HDAC4: variants seen among roughly 807,000 people sequenced by gnomAD.
The protein encoded by HDAC4 is histone deacetylase 4, also known as histone deacetylase A.
In HDAC4, 16 loss-of-function variants were observed where a neutral mutation model predicts 135.1. The observed-to-expected ratio is 0.12, with a 90% confidence interval of 0.08 to 0.18. The LOEUF (loss-of-function observed/expected upper bound fraction) is 0.18. HDAC4 is among the 10% of genes least tolerant of loss of function. HDAC4 has a pLI of 1.00. For missense variants in HDAC4, 1,143 were observed against 1,511.8 expected (o/e 0.76, Z 4.05); for synonymous variants, 685 against 653.4 (o/e 1.05, Z -0.74).
intron 3 of HDAC4, among the ~76,000 whole-genome samples, chr2:239,209,786 T>C (rs546843572): frequency 1.3e-5 from 2 of 152,196 alleles, no homozygotes; most frequent in South Asian, 4.2e-4. Flanking sequence ...TGTAAGTAAC[T>C]CCTATAAAGC....
chr2:239,088,363 C>G (rs920240006), intron 18 of HDAC4, among the ~76,000 whole-genome samples: 1 of 152,206 alleles, frequency 6.6e-6, no homozygotes, highest in Non-Finnish European at 1.5e-5. Context: ...GTGAGCCGGA[C>G]GCCGCAGGGA....
intron 1 of HDAC4, among the ~76,000 whole-genome samples, chr2:239,355,417 AT>A (rs1693426534): frequency 6.6e-6 from 1 of 152,138 alleles, no homozygotes; most frequent in Non-Finnish European, 1.5e-5. Context: ...TATCCATTTT[AT>A]TCCTTATGGC....
chr2:239,072,195 G>C (rs936453205), intron 22 of HDAC4, among the ~76,000 whole-genome samples: 1 of 152,180 alleles, frequency 6.6e-6, no homozygotes, highest in Non-Finnish European at 1.5e-5. Flanking sequence ...TCAAACTGAC[G>C]TTTTATCCTT....
chr2:239,399,131 G>A (rs941005238), intron 1 of HDAC4, among the ~76,000 whole-genome samples: 3 of 152,138 alleles, frequency 2.0e-5, no homozygotes, highest in East Asian at 1.9e-4. Flanking sequence ...GGGAAAGCCC[G>A]ATCAGTCTTA....
rs536188736 is a variant in HDAC4, at chr2:239,096,110, C to T, written c.2234-1054G>A. On this transcript the variant is annotated intron_variant, in intron 16 of 26. Coordinates refer to ENST00000543185, the MANE Select transcript of HDAC4 (RefSeq NM_001378414.1). ...GGTCCACGCTCCTAGGGCTGGCTGC[C>T]GGGGGCCATAGGAAGGAGTTGGCCA... Among the ~76,000 whole-genome samples, 13 of 152,256 alleles carry T rather than the reference C, an allele frequency of 8.5e-5. No individual in the cohort carries two copies. In the South Asian group the frequency reaches 2.7e-3, roughly 32 times the overall value.
chr2:239,221,284 C>T (rs530071308), intron 3 of HDAC4, among the ~76,000 whole-genome samples: 143 of 152,170 alleles, frequency 9.4e-4, no homozygotes, highest in African/African-American at 2.9e-3. Context: ...TGCACAGGAG[C>T]GGGGGACACC....
At chr2:239,216,322 A>T (rs1028424878) in intron 3 of HDAC4, among the ~76,000 whole-genome samples, 6 of 152,088 alleles carry the variant, frequency 3.9e-5, no homozygotes, top group South Asian at 2.1e-4. Flanking sequence ...AGAGAAAAAA[A>T]AAAATAAAAG....
At chr2:239,087,868 G>A (rs1358409104) in intron 18 of HDAC4, among the ~76,000 whole-genome samples, 2 of 52 alleles carry the variant, frequency 0.038, no homozygotes, top group Admixed American at 0.5. Context: ...AGGATAACAG[G>A]TGGGTGCCTG....
At chr2:239,273,953 G>A (rs1024975397) in intron 2 of HDAC4, among the ~76,000 whole-genome samples, 9 of 152,208 alleles carry the variant, frequency 5.9e-5, no homozygotes, top group African/African-American at 9.7e-5. Flanking sequence ...ATGGATTCAC[G>A]TGTTGATGTG....
intron 8 of HDAC4, among the ~76,000 whole-genome samples, chr2:239,142,435 C>T (rs1260076422): frequency 6.6e-6 from 1 of 152,214 alleles, no homozygotes; most frequent in Non-Finnish European, 1.5e-5. Flanking sequence ...CCAGTGCCGG[C>T]CAGGAGATGC....
chr2:239,250,412 A>G (rs1157622422), intron 2 of HDAC4, among the ~76,000 whole-genome samples: 1 of 152,228 alleles, frequency 6.6e-6, no homozygotes, highest in Non-Finnish European at 1.5e-5. Flanking sequence ...GAAGGCTGTG[A>G]AAATGTGACA....
intron 13 of HDAC4, among the ~76,000 whole-genome samples, chr2:239,113,182 G>A (rs1404998332): frequency 1.3e-5 from 2 of 152,238 alleles, no homozygotes; most frequent in South Asian, 2.1e-4. Context: ...CCCAGGAGGC[G>A]GAGGCTGTAG....
At chr2:239,315,740 T>C (rs1445030298) in intron 2 of HDAC4, among the ~76,000 whole-genome samples, 1 of 151,986 alleles carries the variant, frequency 6.6e-6, no homozygotes, top group African/African-American at 2.4e-5. Context: ...CCTAACACCA[T>C]ACACAAGGGT....
At chr2:239,221,527 T>A (rs2046953584) in intron 3 of HDAC4, among the ~76,000 whole-genome samples, 1 of 152,084 alleles carries the variant, frequency 6.6e-6, no homozygotes, top group South Asian at 2.1e-4. Context: ...CCCATGCCCA[T>A]CTCTGTGTCC....
intron 17 of HDAC4, chr2:239,091,609 G>A (rs2036510085): frequency 6.6e-6 from 1 of 152,152 alleles, no homozygotes; most frequent in Non-Finnish European, 1.5e-5. Flanking sequence ...AGGCAGACTT[G>A]CCACTTGATA....
In HDAC4 at chr2:239,313,835, T is replaced by G. The variant is rs540113688; in HGVS notation, c.22+38843A>C. 6.6e-6 allele frequency among the ~76,000 whole-genome samples: 1 copy of G among 151,742 alleles called. No individual in the cohort carries two copies. The highest frequency in any genetic ancestry group is 2.1e-4 in the South Asian group (1 of 4,810). On this transcript the variant is annotated intron_variant, in intron 2 of 26. Coordinates refer to ENST00000543185, the MANE Select transcript of HDAC4 (RefSeq NM_001378414.1). The surrounding 1 kb of genome is among the most constrained non-coding windows in gnomAD (Gnocchi z 5.1). ...AGACAGGAATTCAAGGCAGGGCAAA[T>G]AGAACATGAAAGCCAGCCTGGAGCC...
intron 1 of HDAC4, among the ~76,000 whole-genome samples, chr2:239,383,245 T>C (rs1291047304): frequency 6.6e-6 from 1 of 152,154 alleles, no homozygotes; most frequent in Non-Finnish European, 1.5e-5. Flanking sequence ...TCCTCCACCA[T>C]GATGCCCCTC....
At chr2:239,157,503 G>A (rs148832127) in intron 6 of HDAC4, among the ~76,000 whole-genome samples, 12 of 152,334 alleles carry the variant, frequency 7.9e-5, no homozygotes, top group African/African-American at 1.4e-4. Context: ...GCCGGAGGAC[G>A]GACATGGGGA....
At chr2:239,079,174 T>A (rs2035052637) in intron 22 of HDAC4, among the ~76,000 whole-genome samples, 1 of 152,226 alleles carries the variant, frequency 6.6e-6, no homozygotes, top group Non-Finnish European at 1.5e-5. Context: ...TCCGATTTCA[T>A]ATGAGCTCAT....
Sources: allele counts gnomAD v4.1 joint callset (sites outside exome capture counted in the v4.1 genomes callset), GRCh38; gene constraint gnomAD v4.1.1; non-coding constraint Gnocchi (gnomAD v3.1); transcripts MANE v1.5; gene names NCBI Gene and HGNC (gene_info 2026-07-23, HGNC 2026-07-21).